ATF7IP: variants seen among roughly 807,000 people sequenced by gnomAD.
ATF7IP encodes activating transcription factor 7 interacting protein, also known as activating transcription factor 7-interacting protein 1.
A neutral mutation model predicts 106.4 loss-of-function variants in ATF7IP; 23 were observed. The ratio of observed to expected loss-of-function variants is 0.22; its 90% CI spans 0.16 to 0.31. The LOEUF is 0.31. Among genes scored for constraint, ATF7IP ranks in the 10% least tolerant of loss-of-function variants. The pLI, the probability that ATF7IP is intolerant of heterozygous loss-of-function variation, is 1.00. For missense variants in ATF7IP, 1,334 were observed against 1,524.3 expected, an observed-to-expected ratio of 0.88 and a Z score of 2.08; for synonymous variants, 542 against 539.0, an observed-to-expected ratio of 1.01 and a Z score of -0.08.
intron 8 of ATF7IP, 31 bp from the exon 9 acceptor site, chr12:14,460,464 T>G (rs1943594163): frequency 6.5e-7 from 1 of 1,547,704 alleles, no homozygotes. Flanking sequence ...ATATAACCAT[T>G]TAAACTGAGG....
In ATF7IP at chr12:14,490,440, CATGAATCTAT is replaced by C. The variant is rs1944775520; in HGVS notation, c.3281-5788_3281-5779del. On this transcript the variant is annotated intron_variant, in intron 13 of 14. Coordinates refer to ENST00000261168, the MANE Select transcript of ATF7IP (RefSeq NM_018179.5). ...TCCAACCAAACCATTGGCTACAGCTCATGAATCTATATAATCACACATCTAGCCATTTCTC... is the reference window on the plus strand; with the variant it reads ...TCCAACCAAACCATTGGCTACAGCTCATAATCACACATCTAGCCATTTCTC... 2.0e-5 allele frequency among the ~76,000 whole-genome samples: 3 copies of C among 152,188 alleles called. No individual in the cohort carries two copies. The South Asian group carries it at 6.2e-4, about 31-fold the overall frequency.
At position 14,454,092 on chromosome 12, in the gene ATF7IP, C is replaced by T. The variant is rs915921184; in HGVS notation, c.1996-2469C>T. Among the ~76,000 whole-genome samples, 3 of 152,300 alleles carry T rather than the reference C, an allele frequency of 2.0e-5. No individual in the cohort carries two copies. The South Asian group carries it at 6.2e-4, about 32-fold the overall frequency. On this transcript the variant is annotated intron_variant, in intron 6 of 14. Transcript: ENST00000261168. ...TTAGCATTTGAAAAAACAGCCACATCTCCCAGTCTTTGTGGACTCTTGTAC... is the reference window on the plus strand; with the variant it reads ...TTAGCATTTGAAAAAACAGCCACATTTCCCAGTCTTTGTGGACTCTTGTAC...
At chr12:14,375,021 AC>A (rs1171561396) in intron 1 of ATF7IP, among the ~76,000 whole-genome samples, 1 of 152,088 alleles carries the variant, frequency 6.6e-6, no homozygotes, top group Non-Finnish European at 1.5e-5. Context: ...GTATGATAAG[AC>A]CACTATTAAA....
intron 1 of ATF7IP, among the ~76,000 whole-genome samples, chr12:14,378,377 C>A (rs368325649): frequency 2.6e-5 from 4 of 152,078 alleles, no homozygotes; most frequent in Non-Finnish European, 4.4e-5. Context: ...GGATTACAGG[C>A]GTGAGTCACC....
At chr12:14,425,824 A>T (rs1941813445) in intron 2 of ATF7IP, among the ~76,000 whole-genome samples, 1 of 152,236 alleles carries the variant, frequency 6.6e-6, no homozygotes, top group African/African-American at 2.4e-5. Flanking sequence ...CGAACAAATA[A>T]CTTAGAACTA....
At chr12:14,386,469 A>G (rs77724696) in intron 1 of ATF7IP, among the ~76,000 whole-genome samples, 6,599 of 152,212 alleles carry the variant, frequency 0.043, 509 homozygotes, top group African/African-American at 0.15. Context: ...CCTGACTTAT[A>G]TGACATAGAA....
At position 14,374,472 on chromosome 12, in the gene ATF7IP, A is replaced by T. The variant is rs550866604; in HGVS notation, c.-8+8645A>T. Among the ~76,000 whole-genome samples the T allele has an allele frequency of 2.6e-5, 4 of 152,070 alleles. No individual in the cohort carries two copies. The South Asian group carries it at 8.3e-4, about 32-fold the overall frequency. ...ACAGGTAAAAAGATTGTGGTTGTAAATTCTCTGCATATAGGCAAAACTTAC... is the reference window on the plus strand; with the variant it reads ...ACAGGTAAAAAGATTGTGGTTGTAATTTCTCTGCATATAGGCAAAACTTAC... On this transcript the variant is annotated intron_variant, in intron 1 of 14. Transcript: ENST00000261168.
chr12:14,484,528 T>G (rs2098545), intron 13 of ATF7IP, among the ~76,000 whole-genome samples: 86,190 of 152,062 alleles, frequency 0.57, 24,861 homozygotes, highest in African/African-American at 0.67. Context: ...CAACTGGGAA[T>G]ATTTCCCTTC....
intron 1 of ATF7IP, chr12:14,385,057 A>AT (rs770570138): frequency 6.1e-5 from 15 of 245,906 alleles, no homozygotes; most frequent in East Asian, 1.5e-4. Flanking sequence ...CAAAGTCTGT[A>AT]TTGCAAGACG....
chr12:14,414,082 G>A lies in ATF7IP; in HGVS notation c.-7-9827G>A, dbSNP rs374568384. ...TATTCTATGGTGGTTGTATACTAAT[G>A]TTAGAACATGGAATAGAACCTAGTT... On this transcript the variant is annotated intron_variant, in intron 1 of 14. Transcript: ENST00000261168. 3.4e-4 allele frequency among the ~76,000 whole-genome samples: 52 copies of A among 152,282 alleles called. No homozygotes were observed. In the East Asian group the frequency reaches 5.2e-3, roughly 15 times the overall value.
chr12:14,410,429 G>A (rs995942131), intron 1 of ATF7IP, among the ~76,000 whole-genome samples: 2 of 152,090 alleles, frequency 1.3e-5, no homozygotes, highest in African/African-American at 4.8e-5. Flanking sequence ...AGATGTCTGG[G>A]TTATTAGATC....
chr12:14,464,314 G>T (rs368900432), intron 9 of ATF7IP, among the ~76,000 whole-genome samples: 34 of 152,250 alleles, frequency 2.2e-4, no homozygotes, highest in African/African-American at 7.7e-4. Flanking sequence ...AACAGAGGAG[G>T]TCCCTGTCTC....
In ATF7IP at chr12:14,386,625, C is replaced by T. The variant is rs187329110; in HGVS notation, c.-8+20798C>T. ...GCAAGGCTTAAGAAACAAAAGGACA[C>T]GTGATATTTTATTGTTATGTACTTA... is the stretch of plus-strand genomic sequence containing the variant. On this transcript the variant is annotated intron_variant, in intron 1 of 14. Transcript: ENST00000261168. Among the ~76,000 whole-genome samples, 148 of 152,104 alleles carry T rather than the reference C, an allele frequency of 9.7e-4. 1 individual carries two copies. Among genetic ancestry groups the T allele is most frequent in the East Asian group, 3.9e-4 (2 of 5,182 alleles).
intron 13 of ATF7IP, among the ~76,000 whole-genome samples, chr12:14,488,231 A>C (rs542002321): frequency 7.2e-5 from 11 of 152,078 alleles, no homozygotes; most frequent in Admixed American, 3.9e-4. Flanking sequence ...ATAAATTTGT[A>C]GATATAGTAT....
chr12:14,378,164 C>T (rs1204897017), intron 1 of ATF7IP, among the ~76,000 whole-genome samples: 4 of 144,154 alleles, frequency 2.8e-5, no homozygotes, highest in African/African-American at 1.0e-4. Context: ...GTGGCATGAT[C>T]TTGGCTCACT....
Position 14,501,088 on chromosome 12 carries a change from CTTT to C in ATF7IP, c.*3018_*3020del, listed in dbSNP as rs931724116. The C allele has an allele frequency of 1.1e-4, 17 of 152,104 alleles. No homozygotes were observed. Among genetic ancestry groups the C allele is most frequent in the African/African-American group, 4.1e-4 (17 of 41,416 alleles). 9.4% of individuals were successfully genotyped at this position (152,104 alleles called of 1,614,324 possible). Reference sequence around the variant, plus strand: ...AGGCAGGTTTTAATATTGATAGATGCTTTTTGTTTGGTTTGTTTCTTCTGGGAG... The same window carrying C: ...AGGCAGGTTTTAATATTGATAGATGCTTGTTTGGTTTGTTTCTTCTGGGAG... On this transcript the variant is annotated 3_prime_UTR_variant, in exon 15 of 15. Coordinates refer to ENST00000261168, the MANE Select transcript of ATF7IP (RefSeq NM_018179.5).
chr12:14,494,333 A>ATATATGTG (rs1234871100), intron 13 of ATF7IP, among the ~76,000 whole-genome samples: 38 of 85,982 alleles, frequency 4.4e-4, no homozygotes, highest in Middle Eastern at 6.3e-3. Context: ...ATATATATAT[A>ATATATGTG]TGTGTGTGTG....
chr12:14,493,235 C>T (rs1944889620), intron 13 of ATF7IP, among the ~76,000 whole-genome samples: 1 of 152,170 alleles, frequency 6.6e-6, no homozygotes, highest in Non-Finnish European at 1.5e-5. Flanking sequence ...TAATCTCATA[C>T]CCTTAATATC....
At chr12:14,444,853 C>G (rs1451534475) in intron 5 of ATF7IP, among the ~76,000 whole-genome samples, 1 of 151,988 alleles carries the variant, frequency 6.6e-6, no homozygotes, top group Non-Finnish European at 1.5e-5. Context: ...TAGCTTCCAG[C>G]GGTGACTACT....
Sources: allele counts gnomAD v4.1 joint callset (sites outside exome capture counted in the v4.1 genomes callset), GRCh38; gene constraint gnomAD v4.1.1; transcripts MANE v1.5; gene names NCBI Gene and HGNC (gene_info 2026-07-23, HGNC 2026-07-21).